The following FIP1L1 variants were observed in gnomAD, a reference collection of about 807,000 sequenced individuals.
FIP1L1 encodes the protein factor interacting with PAPOLA and CPSF1.
In FIP1L1, 21 loss-of-function variants were observed where a neutral mutation model predicts 84.6. The ratio of observed to expected loss-of-function variants is 0.25; its 90% CI spans 0.18 to 0.36. The LOEUF (loss-of-function observed/expected upper bound fraction) is 0.36, where lower values mean the gene tolerates loss of function less well. Ranked by LOEUF, FIP1L1 falls within the 10% of genes least tolerant of loss-of-function variation. The pLI is 1.00. For synonymous variants in FIP1L1, 263 were observed against 242.3 expected (o/e 1.09, Z -0.80); for missense variants, 526 against 751.1 (o/e 0.70, Z 3.50).
At chr4:53,377,972 C>G (rs1179404307) in intron 1 of FIP1L1, 49 bp downstream of exon 1, 4 of 1,454,648 alleles carry the variant, frequency 2.7e-6, no homozygotes, top group Non-Finnish European at 3.7e-6. Flanking sequence ...GGCCTCCCCT[C>G]TTGGCCCTCA....
chr4:53,449,589 A>T (rs1449110144), intron 15 of FIP1L1, among the ~76,000 whole-genome samples: 2 of 152,082 alleles, frequency 1.3e-5, no homozygotes, highest in Non-Finnish European at 2.9e-5. Flanking sequence ...CCCTTTATTT[A>T]TACTGCCCTT....
At position 53,383,863 on chromosome 4, in the gene FIP1L1, G is replaced by A; in HGVS notation, c.319G>A (p.Ala107Thr). ...HVTIGDIKTG[A>T]PQYGSYGTAP... Reference sequence around the variant, plus strand: ...CACTATAGGAGACATTAAAACGGGAGCACCACAGTATGGGTAAGTTATTTT... The same window carrying A: ...CACTATAGGAGACATTAAAACGGGAACACCACAGTATGGGTAAGTTATTTT... The change falls in exon 5 of 18, where the codon GCA becomes ACA. Residue 107 changes from alanine to threonine, a missense_variant. Ala to Thr is a moderately conservative substitution (Grantham distance 58). This residue lies in a region of FIP1L1 where 169 missense variants were observed against 206.9 expected (regional missense o/e 0.82). Transcript: ENST00000337488. The A allele has an allele frequency of 6.2e-7, 1 of 1,612,764 alleles. No homozygotes were observed. Among genetic ancestry groups the A allele is most frequent in the South Asian group, 1.1e-5 (1 of 90,818 alleles).
chr4:53,415,195 A>G (rs1758956552), intron 11 of FIP1L1, among the ~76,000 whole-genome samples: 1 of 152,182 alleles, frequency 6.6e-6, no homozygotes, highest in Admixed American at 6.5e-5. Flanking sequence ...GCTGCCCTGG[A>G]ATATGCTATT....
chr4:53,386,345 T>C (rs560748634), intron 5 of FIP1L1, among the ~76,000 whole-genome samples: 1 of 152,266 alleles, frequency 6.6e-6, no homozygotes, highest in South Asian at 2.1e-4. Context: ...CCATGAAATT[T>C]CATGGAGTTA....
Position 53,395,597 on chromosome 4 carries a change from C to G in FIP1L1, c.705+4099C>G, listed in dbSNP as rs188723124. ...ATGCTAAAGATGATATAGTTATAAA[C>G]TACATGTTCTTTGGAGTTTGAAGAA... On this transcript the variant is annotated intron_variant, in intron 9 of 17. Transcript: ENST00000337488. Among the ~76,000 whole-genome samples the G allele has an allele frequency of 2.6e-5, 4 of 152,206 alleles. No individual in the cohort carries two copies. In the East Asian group the frequency reaches 7.7e-4, roughly 29 times the overall value.
intron 13 of FIP1L1, among the ~76,000 whole-genome samples, chr4:53,437,950 C>A (rs1770176413): frequency 6.6e-6 from 1 of 152,020 alleles, no homozygotes; most frequent in South Asian, 2.1e-4. Context: ...TGGTCTCCAT[C>A]TCCTGACTTT....
intron 13 of FIP1L1, 49 bp downstream of exon 13, chr4:53,428,232 G>A: frequency 6.8e-7 from 1 of 1,477,346 alleles, no homozygotes; most frequent in Non-Finnish European, 9.0e-7. Flanking sequence ...TAGCTTGCGA[G>A]TGTTTTTTAA....
intron 11 of FIP1L1, among the ~76,000 whole-genome samples, chr4:53,423,823 ACAAT>A (rs1195163268): frequency 2.0e-5 from 3 of 152,168 alleles, no homozygotes; most frequent in Non-Finnish European, 4.4e-5. Context: ...GTGATTAAAA[ACAAT>A]CAATTTAAAG....
In FIP1L1 at chr4:53,435,199, T is replaced by C. The variant is rs1768588989; in HGVS notation, c.1174+7016T>C. On this transcript the variant is annotated intron_variant, in intron 13 of 17. Coordinates refer to ENST00000337488, the MANE Select transcript of FIP1L1 (RefSeq NM_030917.4). Reference sequence around the variant, plus strand: ...AACAGAGAGCAATGCTAATTATCTATAATAAATAGAATTTTCTGGCACAAT... The same window carrying C: ...AACAGAGAGCAATGCTAATTATCTACAATAAATAGAATTTTCTGGCACAAT... Among the ~76,000 whole-genome samples, 3 of 152,330 alleles carry C rather than the reference T, an allele frequency of 2.0e-5. No homozygotes were observed. In the South Asian group the frequency reaches 6.2e-4, roughly 32 times the overall value.
In FIP1L1 at chr4:53,399,837, C is replaced by T; in HGVS notation, c.813C>T (p.Ser271=). The T allele has an allele frequency of 1.2e-6, 2 of 1,600,666 alleles. No homozygotes were observed. The highest frequency in any genetic ancestry group is 1.7e-6 in the Non-Finnish European group (2 of 1,169,014). ...TGTTCAAGACTGGGCTTCCACCGAG[C>T]AGGTTAGTTACATAGTTATAACTCA... ...PSLFKTGLPP[S]RNSTSSQSQT... Residue 271 remains serine (S), a splice_region_variant and synonymous_variant, in exon 10 of 18, where the codon AGC becomes AGT. Coordinates refer to ENST00000337488, the MANE Select transcript of FIP1L1 (RefSeq NM_030917.4).
chr4:53,450,707 A>AT (rs1232413965), intron 15 of FIP1L1, among the ~76,000 whole-genome samples: 1 of 152,026 alleles, frequency 6.6e-6, no homozygotes, highest in Non-Finnish European at 1.5e-5. Context: ...ATTTGTACTG[A>AT]TTTTTTCATC....
At position 53,381,753 on chromosome 4, in the gene FIP1L1, C is replaced by CTTTTTTTTTTTTTTTTTTTTTTTTTTT. The variant is rs531488760; in HGVS notation, c.171-501_171-500insTTTTTTTTTTTTTTTTTTTTTTTTTTT. On this transcript the variant is annotated intron_variant, in intron 3 of 17. Coordinates refer to ENST00000337488, the MANE Select transcript of FIP1L1 (RefSeq NM_030917.4). ...AATAAACTGTGAAGGCATTTGCATT[C>CTTTTTTTTTTTTTTTTTTTTTTTTTTT]TTTTTTTTTTTTTTTTTTTTTTTTG... Among the ~76,000 whole-genome samples, 24 of 87,936 alleles carry CTTTTTTTTTTTTTTTTTTTTTTTTTTT rather than the reference C, an allele frequency of 2.7e-4. 4 individuals are homozygous for CTTTTTTTTTTTTTTTTTTTTTTTTTTT. Among genetic ancestry groups the CTTTTTTTTTTTTTTTTTTTTTTTTTTT allele is most frequent in the Admixed American group, 6.8e-4 (5 of 7,362 alleles). 57.7% of individuals were successfully genotyped at this position (87,936 alleles called of 152,430 possible).
intron 4 of FIP1L1, 134 bp downstream of exon 4, chr4:53,382,469 A>G (rs1340741483): frequency 1.2e-5 from 8 of 648,470 alleles, no homozygotes; most frequent in Non-Finnish European, 1.9e-5. Flanking sequence ...TACATCTCCT[A>G]CTTCATCTGG....
intron 4 of FIP1L1, among the ~76,000 whole-genome samples, chr4:53,383,383 C>T (rs998262695): frequency 2.0e-5 from 3 of 152,104 alleles, no homozygotes; most frequent in East Asian, 1.9e-4. Flanking sequence ...AGAGTGGGGC[C>T]GGGCATGGTG....
At position 53,389,815 on chromosome 4, in the gene FIP1L1, T is replaced by C. The variant is rs558153131; in HGVS notation, c.339T>C (p.Tyr113=). ...TTTGTTTGTTTGTTTTTAGGAGTTA[T>C]GGTACAGCACCTGTAAATCTTAACA... ...IKTGAPQYGS[Y]GTAPVNLNIK... is the part of the protein sequence containing the mutation. The change falls in exon 6 of 18, where the codon TAT becomes TAC. Residue 113 remains tyrosine (Y), a synonymous_variant. Transcript: ENST00000337488. 168 of 1,600,758 alleles carry C rather than the reference T, an allele frequency of 1.0e-4. 3 individuals are homozygous for C. In the South Asian group the frequency reaches 1.1e-3, roughly 10 times the overall value.
rs1717067919 is a variant in FIP1L1 at position 53,453,208 on chromosome 4, G to A, written c.1499+75G>A. The stretch of plus-strand genomic sequence containing the variant: ...AAATTTATTTTCGTTATGAGGAAGT[G>A]AATTTCAGTTCACTTGGAAAAGAGA... On this transcript the variant is annotated intron_variant, in intron 16 of 17. Coordinates refer to ENST00000337488, the MANE Select transcript of FIP1L1 (RefSeq NM_030917.4). 2.6e-6 allele frequency: 4 copies of A among 1,547,802 alleles called. No homozygotes were observed. In the Admixed American group the frequency reaches 6.8e-5, roughly 26 times the overall value.
chr4:53,401,487 G>A (rs1308158917), intron 10 of FIP1L1, among the ~76,000 whole-genome samples: 1 of 152,196 alleles, frequency 6.6e-6, no homozygotes, highest in African/African-American at 2.4e-5. Context: ...CAGTTAGGAG[G>A]TTGCAGCAAT....
At chr4:53,445,603 A>C (rs368139270) in intron 15 of FIP1L1, among the ~76,000 whole-genome samples, 1 of 152,196 alleles carries the variant, frequency 6.6e-6, no homozygotes, top group African/African-American at 2.4e-5. Context: ...TTGAGTCTTC[A>C]TGAGCAACCA....
chr4:53,396,365 C>T (rs1047286184), intron 9 of FIP1L1, among the ~76,000 whole-genome samples: 25 of 152,038 alleles, frequency 1.6e-4, no homozygotes, highest in African/African-American at 5.1e-4. Context: ...GATTCAAAAG[C>T]AAATGTTTCT....
Sources: gnomAD v4.1 joint callset for allele counts (sites outside exome capture counted in the v4.1 genomes callset) on GRCh38, gnomAD v4.1.1 for gene constraint, gnomAD v4.1.1 regional missense constraint, MANE v1.5 for transcripts, NCBI Gene and HGNC (gene_info 2026-07-23, HGNC 2026-07-21) for gene names.